The following ANKRD55 variants were observed in gnomAD, a reference collection of about 807,000 sequenced individuals.
ANKRD55 encodes ankyrin repeat domain-containing protein 55.
Under a neutral mutation model 60.6 loss-of-function variants are expected in ANKRD55, and 41 were observed. The ratio of observed to expected loss-of-function variants is 0.68; its 90% CI spans 0.53 to 0.88. The LOEUF is 0.88. ANKRD55 is among the 40% of genes least tolerant of loss of function. The pLI, the probability that ANKRD55 is intolerant of heterozygous loss-of-function variation, is 0.00. For missense variants in ANKRD55, 732 were observed against 767.6 expected (o/e 0.95, Z 0.55); for synonymous variants, 264 against 290.3 (o/e 0.91, Z 0.92).
At chr5:56,177,284 C>G (rs1277839273) in intron 3 of ANKRD55, among the ~76,000 whole-genome samples, 1 of 152,086 alleles carries the variant, frequency 6.6e-6, no homozygotes, top group Non-Finnish European at 1.5e-5. Flanking sequence ...CTCTTTCAGT[C>G]ATCTGTACTG....
At chr5:56,100,825 C>A (rs976213873) in intron 11 of ANKRD55, among the ~76,000 whole-genome samples, 1 of 152,228 alleles carries the variant, frequency 6.6e-6, no homozygotes, top group African/African-American at 2.4e-5. Context: ...GAAAACCTCT[C>A]TTCGGCTTCT....
chr5:56,132,561 T>C (rs1400288116), intron 7 of ANKRD55, among the ~76,000 whole-genome samples: 1 of 145,994 alleles, frequency 6.8e-6, no homozygotes, highest in Non-Finnish European at 1.5e-5. Flanking sequence ...ACTGCACTCC[T>C]GCCTGGGTGA....
intron 3 of ANKRD55, among the ~76,000 whole-genome samples, chr5:56,182,389 A>G (rs1329674301): frequency 1.3e-5 from 2 of 152,018 alleles, no homozygotes; most frequent in African/African-American, 2.4e-5. Flanking sequence ...ACTGAGTTTT[A>G]CCATTGTGAT....
chr5:56,214,600 A>G (rs1178917991), intron 2 of ANKRD55, among the ~76,000 whole-genome samples: 1 of 152,210 alleles, frequency 6.6e-6, no homozygotes, highest in Non-Finnish European at 1.5e-5. Context: ...CTGGGATCTG[A>G]GTGTCCAATC....
chr5:56,186,238 G>A (rs187810084), intron 2 of ANKRD55, among the ~76,000 whole-genome samples: 4 of 152,254 alleles, frequency 2.6e-5, no homozygotes, highest in Non-Finnish European at 5.9e-5. Flanking sequence ...CGTGATCTTG[G>A]CTCACTGCAG....
intron 7 of ANKRD55, among the ~76,000 whole-genome samples, chr5:56,128,236 C>T (rs890691955): frequency 2.6e-5 from 4 of 152,176 alleles, no homozygotes; most frequent in Non-Finnish European, 5.9e-5. Context: ...TTCAAGCTGT[C>T]AAGGTGGTTC....
chr5:56,142,303 T>C (rs1471609353), intron 7 of ANKRD55, among the ~76,000 whole-genome samples: 5 of 152,132 alleles, frequency 3.3e-5, no homozygotes, highest in African/African-American at 1.2e-4. Context: ...CACTGCACTC[T>C]GGCCTGGGCT....
intron 3 of ANKRD55, among the ~76,000 whole-genome samples, chr5:56,178,029 T>C (rs971188955): frequency 3.3e-5 from 5 of 152,274 alleles, no homozygotes; most frequent in African/African-American, 1.2e-4. Flanking sequence ...AATCACGTGT[T>C]TAAAATTTGT....
chr5:56,105,318 C>A (rs1756425865), intron 10 of ANKRD55, among the ~76,000 whole-genome samples: 1 of 152,116 alleles, frequency 6.6e-6, no homozygotes, highest in African/African-American at 2.4e-5. Flanking sequence ...AACTCCTGAC[C>A]TCAGGTGATC....
At position 56,112,438 on chromosome 5, in the gene ANKRD55, A is replaced by G. The variant is rs571508215; in HGVS notation, c.966-656T>C. 3.5e-5 allele frequency among the ~76,000 whole-genome samples: 5 copies of G among 143,800 alleles called. No individual in the cohort carries two copies. The East Asian group carries it at 1.0e-3, about 30-fold the overall frequency. The allele number at this position is 143,800 out of a possible 152,430, so 94.3% of individuals were successfully genotyped here. A position where few individuals can be genotyped will look rare whatever the true frequency, so the allele number is the denominator to read the frequency against. On this transcript the variant is annotated intron_variant, in intron 9 of 11. Transcript: ENST00000341048. ...TTCCAGAACTTTGGGAGGCTGAGGC[A>G]GGAGGATCACTTGATGTCAAGAGTT...
intron 5 of ANKRD55, among the ~76,000 whole-genome samples, chr5:56,162,241 C>T (rs528238373): frequency 1.3e-5 from 2 of 152,292 alleles, no homozygotes; most frequent in African/African-American, 4.8e-5. Flanking sequence ...TTGTCATATC[C>T]TGGGTGGCCT....
At chr5:56,218,035 A>G (rs1391274031) in intron 2 of ANKRD55, among the ~76,000 whole-genome samples, 2 of 152,226 alleles carry the variant, frequency 1.3e-5, no homozygotes, top group Admixed American at 6.5e-5. Context: ...AAATAGCAAG[A>G]GAACTAGAGT....
chr5:56,152,059 G>C (rs1217956914), intron 6 of ANKRD55, among the ~76,000 whole-genome samples: 2 of 141,310 alleles, frequency 1.4e-5, no homozygotes, highest in Non-Finnish European at 3.0e-5. Context: ...GAAGTTTATA[G>C]GGTTGGAGGA....
rs768662926 is a variant in ANKRD55 at position 56,111,765 on chromosome 5, G to A, written c.983C>T (p.Pro328Leu). 5 of 1,512,230 alleles carry A rather than the reference G, an allele frequency of 3.3e-6. No homozygotes were observed. The highest frequency in any genetic ancestry group is 4.4e-6 in the Non-Finnish European group (5 of 1,134,876). 93.7% of individuals were successfully genotyped at this position (1,512,230 alleles called of 1,614,324 possible). The part of the protein sequence containing the change: ...SQESRTEPTR[P>L]PPSQSSRPQK... Reference sequence around the variant, plus strand: ...GGGCCGACTGCTCTGGGAGGGAGGGGGTCGAGTAGGCTCTGTTCTATGCGA... The same window carrying A: ...GGGCCGACTGCTCTGGGAGGGAGGGAGTCGAGTAGGCTCTGTTCTATGCGA... The change falls in exon 10 of 12, where the codon CCC becomes CTC. Residue 328 changes from proline to leucine, a missense_variant. This residue lies in a region of ANKRD55 where 597 missense variants were observed against 607.5 expected (regional missense o/e 0.98). Coordinates refer to ENST00000341048, the MANE Select transcript of ANKRD55 (RefSeq NM_024669.3).
rs888440621 is a variant in ANKRD55, at chr5:56,111,710, G to A, written c.1038C>T (p.Leu346=). ...TCTTGTTTTTGCAGAATATTTGGTT[G>A]AGCACGTTGAACCGTCTCTCCTTCT... The part of the protein sequence containing the change: ...PQKKERRFNV[L]NQIFCKNKKE... Residue 346 remains leucine, a synonymous_variant, in exon 10 of 12, where the codon CTC becomes CTT. Transcript: ENST00000341048. 1.3e-6 allele frequency: 2 copies of A among 1,521,186 alleles called. No individual in the cohort carries two copies. The highest frequency in any genetic ancestry group is 2.8e-5 in the African/African-American group (2 of 71,680). The allele number at this position is 1,521,186 out of a possible 1,614,324, so 94.2% of individuals were successfully genotyped here. A position where few individuals can be genotyped will look rare whatever the true frequency, so the allele number is the denominator to read the frequency against.
At chr5:56,216,758 G>A (rs1017392455) in intron 2 of ANKRD55, among the ~76,000 whole-genome samples, 1 of 152,192 alleles carries the variant, frequency 6.6e-6, no homozygotes, top group Non-Finnish European at 1.5e-5. Flanking sequence ...GAGAAATGAG[G>A]AAGATGAAAA....
chr5:56,207,456 G>A (rs1366479254), intron 2 of ANKRD55, among the ~76,000 whole-genome samples: 4 of 152,192 alleles, frequency 2.6e-5, no homozygotes, highest in African/African-American at 9.7e-5. Context: ...GGATAGTTCT[G>A]AGAAACCTGT....
intron 11 of ANKRD55, 128 bp from the exon 12 acceptor site, chr5:56,100,432 T>C (rs1203100297): frequency 9.1e-7 from 1 of 1,097,956 alleles, no homozygotes; most frequent in Non-Finnish European, 1.3e-6. Context: ...AGAGCTAGAC[T>C]GCAGAGAGAA....
chr5:56,233,017 G>C (rs1469453431), intron 1 of ANKRD55, 71 bp from the exon 2 acceptor site: 3 of 1,076,170 alleles, frequency 2.8e-6, no homozygotes, highest in African/African-American at 1.6e-5. Context: ...CGTTTGCCAA[G>C]ACCTCTGTTT....
Sources: allele counts gnomAD v4.1 joint callset (sites outside exome capture counted in the v4.1 genomes callset), GRCh38; gene constraint gnomAD v4.1.1; regional missense constraint gnomAD v4.1.1; transcripts MANE v1.5; gene names NCBI Gene and HGNC (gene_info 2026-07-23, HGNC 2026-07-21).